TENM1: variants seen among roughly 807,000 people sequenced by gnomAD.
The protein encoded by TENM1 is teneurin transmembrane protein 1, also known as teneurin-1.
In TENM1, 35 loss-of-function variants were observed where a neutral mutation model predicts 174.8. That is an observed-to-expected ratio of 0.20 (90% CI 0.15 to 0.27). TENM1 has a LOEUF of 0.27. TENM1 is among the 10% of genes least tolerant of loss of function. The pLI is 1.00. For missense variants in TENM1, 1,633 were observed against 2,130.1 expected (o/e 0.77, Z 4.59); for synonymous variants, 781 against 798.7 (o/e 0.98, Z 0.37).
chrX:124,636,539 G>C (rs1602863328), intron 11 of TENM1, among the ~76,000 whole-genome samples: 1 of 111,936 alleles, frequency 8.9e-6, no homozygotes, highest in African/African-American at 3.3e-5. Flanking sequence ...ACAAAAATGT[G>C]TCATTTATGT....
chrX:125,051,403 A>T, the TENM1 span, among the ~76,000 whole-genome samples: 1 of 110,167 alleles, frequency 9.1e-6, no homozygotes, highest in Non-Finnish European at 1.9e-5. Context: ...CTAAGCCAAA[A>T]GAACAAAGCT....
the TENM1 span, among the ~76,000 whole-genome samples, chrX:124,994,838 T>C: frequency 9.0e-6 from 1 of 111,608 alleles, no homozygotes; most frequent in African/African-American, 3.3e-5. Flanking sequence ...TTTCATACTG[T>C]AGTCAGAGTT....
At chrX:124,626,648 T>C (rs966314894) in intron 11 of TENM1, among the ~76,000 whole-genome samples, 3 of 112,229 alleles carry the variant, frequency 2.7e-5, no homozygotes, top group South Asian at 3.7e-4. Flanking sequence ...TTTAAACTTT[T>C]ATCTATTACC....
At chrX:124,471,920 C>A (rs1037509673) in intron 22 of TENM1, among the ~76,000 whole-genome samples, 1 of 105,746 alleles carries the variant, frequency 9.5e-6, no homozygotes, top group African/African-American at 3.4e-5. Context: ...CAGGGGCGTA[C>A]CAAGGTTTGG....
intron 4 of TENM1, among the ~76,000 whole-genome samples, chrX:124,716,204 A>C (rs970479785): frequency 1.8e-5 from 2 of 112,198 alleles, no homozygotes; most frequent in Admixed American, 9.4e-5. Flanking sequence ...CTGGCAAAAC[A>C]CATGAATGTC....
At chrX:124,852,313 T>A (rs1259650257) in intron 3 of TENM1, among the ~76,000 whole-genome samples, 1 of 109,891 alleles carries the variant, frequency 9.1e-6, no homozygotes. Flanking sequence ...TGGGCAGGAC[T>A]GAAGGTAGAA....
chrX:124,603,149 T>A (rs909764716), intron 11 of TENM1, among the ~76,000 whole-genome samples: 6 of 111,050 alleles, frequency 5.4e-5, no homozygotes, highest in African/African-American at 2.0e-4. Context: ...GTGGACCTGC[T>A]GACATTTTGA....
At chrX:124,465,922 T>TAACAA (rs1410917844) in intron 22 of TENM1, among the ~76,000 whole-genome samples, 2 of 111,539 alleles carry the variant, frequency 1.8e-5, no homozygotes, top group Non-Finnish European at 3.8e-5. Flanking sequence ...TTGAAAAACT[T>TAACAA]AACAAAACAA....
chrX:124,655,811 C>T (rs1017135185), intron 6 of TENM1, among the ~76,000 whole-genome samples: 1 of 112,297 alleles, frequency 8.9e-6, no homozygotes, highest in Non-Finnish European at 1.9e-5. Context: ...AAAATAGGCT[C>T]TTTGAAATGA....
At chrX:124,581,595 CTTCT>C (rs1286785993) in intron 11 of TENM1, among the ~76,000 whole-genome samples, 6 of 112,267 alleles carry the variant, frequency 5.3e-5, no homozygotes, top group African/African-American at 1.9e-4. Context: ...TTTGTTTTAA[CTTCT>C]TTAAGAAATC....
the TENM1 span, among the ~76,000 whole-genome samples, chrX:124,975,271 C>T: frequency 3.6e-5 from 4 of 110,828 alleles, no homozygotes; most frequent in Non-Finnish European, 7.6e-5. Flanking sequence ...GAAGGTAACT[C>T]GATGTATAAA....
At chrX:124,508,027 A>C (rs749366125) in intron 18 of TENM1, among the ~76,000 whole-genome samples, 100 of 112,644 alleles carry the variant, frequency 8.9e-4, no homozygotes, top group African/African-American at 3.0e-3. Flanking sequence ...AGCAATAAAT[A>C]TTTTCCATTC....
chrX:124,863,960 C>T (rs781458169), intron 3 of TENM1, among the ~76,000 whole-genome samples: 8 of 112,377 alleles, frequency 7.1e-5, no homozygotes, highest in African/African-American at 1.3e-4. Flanking sequence ...AGAATCTCTG[C>T]GTGATAATCC....
At chrX:124,714,082 T>C (rs1489996993) in intron 4 of TENM1, among the ~76,000 whole-genome samples, 6 of 111,989 alleles carry the variant, frequency 5.4e-5, no homozygotes, top group Admixed American at 9.5e-5. Context: ...TGCCAGGTAC[T>C]CTGCTAAAGT....
chrX:124,793,054 C>T (rs1030768125), intron 3 of TENM1, among the ~76,000 whole-genome samples: 1 of 111,846 alleles, frequency 8.9e-6, no homozygotes, highest in African/African-American at 3.2e-5. Context: ...GAACCTGGAA[C>T]AGCAGCTGGA....
chrX:124,989,494 C>A, the TENM1 span, among the ~76,000 whole-genome samples: 1 of 110,995 alleles, frequency 9.0e-6, no homozygotes, highest in East Asian at 2.8e-4. Context: ...CAGAATGCTT[C>A]CTTTGTAGAA....
chrX:124,758,203 A>G (rs1364467465), intron 3 of TENM1, among the ~76,000 whole-genome samples: 2 of 112,150 alleles, frequency 1.8e-5, no homozygotes, highest in African/African-American at 6.5e-5. Context: ...AAAACTAAAC[A>G]ACTTGATTAA....
intron 16 of TENM1, 85 bp downstream of exon 19, chrX:124,529,779 C>T (rs1408566279): frequency 1.8e-6 from 2 of 1,123,430 alleles, no homozygotes; most frequent in African/African-American, 3.6e-5. Context: ...GGTTTACCAT[C>T]ACTGTATCAT....
chrX:124,977,997 A>T, the TENM1 span, among the ~76,000 whole-genome samples: 8 of 101,021 alleles, frequency 7.9e-5, no homozygotes, highest in Non-Finnish European at 1.4e-4. Context: ...AGAGAGAGAG[A>T]GAGAGAGAGA....
Sources: allele counts gnomAD v4.1 joint callset (sites outside exome capture counted in the v4.1 genomes callset), GRCh38; gene constraint gnomAD v4.1.1; transcripts MANE v1.5; gene names NCBI Gene and HGNC (gene_info 2026-07-23, HGNC 2026-07-21).